The following PPP3CC variants were observed in gnomAD, a reference collection of about 807,000 sequenced individuals.
The protein encoded by PPP3CC is serine/threonine-protein phosphatase 2B catalytic subunit gamma isoform.
A neutral mutation model predicts 60.3 loss-of-function variants in PPP3CC; 35 were observed. The ratio of observed to expected loss-of-function variants is 0.58; its 90% CI spans 0.44 to 0.77. The LOEUF (loss-of-function observed/expected upper bound fraction) is 0.77, where lower values mean the gene tolerates loss of function less well. Ranked by LOEUF, PPP3CC falls within the 30% of genes least tolerant of loss-of-function variation. The probability of loss-of-function intolerance (pLI) is 0.00; values close to 1 mark genes in which losing one functional copy is unlikely to be tolerated. For missense variants in PPP3CC, 570 were observed against 628.9 expected (o/e 0.91, Z 1.00); for synonymous variants, 206 against 224.3 (o/e 0.92, Z 0.73).
intron 6 of PPP3CC, among the ~76,000 whole-genome samples, chr8:22,520,906 TGA>T (rs1839388719): frequency 6.6e-6 from 1 of 152,224 alleles, no homozygotes; most frequent in African/African-American, 2.4e-5. Flanking sequence ...TCTATGCATT[TGA>T]AGGAGCAGGG....
chr8:22,518,725 C>T (rs1250801261), intron 6 of PPP3CC, among the ~76,000 whole-genome samples: 15 of 152,102 alleles, frequency 9.9e-5, no homozygotes, highest in Admixed American at 7.9e-4. Flanking sequence ...CTCGCTCTGT[C>T]GCCCAGGCTG....
At chr8:22,473,993 C>G (rs547651034) in intron 1 of PPP3CC, among the ~76,000 whole-genome samples, 6 of 152,244 alleles carry the variant, frequency 3.9e-5, no homozygotes, top group South Asian at 4.2e-4. Context: ...CTCCCACGTT[C>G]AAGCGATTCT....
chr8:22,483,672 A>G (rs1436080902), intron 3 of PPP3CC, among the ~76,000 whole-genome samples: 7 of 151,998 alleles, frequency 4.6e-5, no homozygotes, highest in South Asian at 2.1e-4. Flanking sequence ...CCCTATTACA[A>G]TTTCACTCAG....
intron 1 of PPP3CC, among the ~76,000 whole-genome samples, chr8:22,453,709 A>G (rs961522543): frequency 6.6e-6 from 1 of 152,236 alleles, no homozygotes; most frequent in African/African-American, 2.4e-5. Flanking sequence ...CCTAGGCTGT[A>G]TGGTATATAG....
chr8:22,484,112 G>T (rs1838153904), intron 3 of PPP3CC, among the ~76,000 whole-genome samples: 2 of 151,912 alleles, frequency 1.3e-5, no homozygotes, highest in African/African-American at 2.4e-5. Flanking sequence ...CTCCCAAAGT[G>T]CTAGGATTAC....
chr8:22,492,686 GAA>G, intron 3 of PPP3CC: 1 of 839,778 alleles, frequency 1.2e-6, no homozygotes, highest in Non-Finnish European at 2.0e-6. Flanking sequence ...TGGTGGGAAA[GAA>G]ATGGTTCACA....
intron 1 of PPP3CC, among the ~76,000 whole-genome samples, chr8:22,452,110 C>CA (rs1837051349): frequency 6.6e-6 from 1 of 151,726 alleles, no homozygotes; most frequent in Non-Finnish European, 1.5e-5. Flanking sequence ...ACTGTGGCCT[C>CA]AAACAAACTC....
chr8:22,482,341 A>G (rs1045700726), intron 3 of PPP3CC, among the ~76,000 whole-genome samples: 2 of 152,132 alleles, frequency 1.3e-5, no homozygotes, highest in Admixed American at 1.3e-4. Flanking sequence ...TCTTTTGAGA[A>G]GTGTCTGTTC....
chr8:22,519,749 G>C (rs1839354669), intron 6 of PPP3CC, among the ~76,000 whole-genome samples: 1 of 152,086 alleles, frequency 6.6e-6, no homozygotes, highest in Admixed American at 6.5e-5. Context: ...CTGCCTCCCG[G>C]GTTCAAGTGA....
At chr8:22,473,029 A>C (rs973175317) in intron 1 of PPP3CC, among the ~76,000 whole-genome samples, 1 of 152,222 alleles carries the variant, frequency 6.6e-6, no homozygotes. Flanking sequence ...GGTAGCTGCT[A>C]TCGTTTTTTC....
chr8:22,538,023 G>C (rs1013157311), intron 12 of PPP3CC, among the ~76,000 whole-genome samples: 1 of 152,188 alleles, frequency 6.6e-6, no homozygotes, highest in South Asian at 2.1e-4. Flanking sequence ...CCATTGACTT[G>C]TATACTTTAA....
intron 1 of PPP3CC, among the ~76,000 whole-genome samples, chr8:22,466,236 T>C (rs764636637): frequency 2.0e-5 from 3 of 152,190 alleles, no homozygotes; most frequent in Middle Eastern, 3.2e-3. Flanking sequence ...CAGTCTATCA[T>C]TGATGGACAT....
chr8:22,458,235 C>T (rs1206664871), intron 1 of PPP3CC, among the ~76,000 whole-genome samples: 1 of 151,992 alleles, frequency 6.6e-6, no homozygotes, highest in African/African-American at 2.4e-5. Flanking sequence ...AGTATTTTTT[C>T]CCTAGCACTT....
chr8:22,498,061 G>A lies in PPP3CC; in HGVS notation c.433G>A (p.Gly145Arg), dbSNP rs1489474556. The A allele has an allele frequency of 6.2e-7, 1 of 1,613,292 alleles. No individual in the cohort carries two copies. The highest frequency in any genetic ancestry group is 8.5e-7 in the Non-Finnish European group (1 of 1,179,554). ...NHPKTLFLLR[G>R]NHECRHLTDY... is the part of the protein sequence containing the mutation. The stretch of plus-strand genomic sequence containing the variant: ...TCCCAAAACATTGTTTCTGCTTCGG[G>A]GAAATCATGAATGCAGGCATCTTAC... The change falls in exon 4 of 14, where the codon GGA becomes AGA. Residue 145 changes from glycine (G) to arginine (R), a missense_variant. Physicochemically the swap from Gly to Arg is moderately radical, Grantham distance 125 (BLOSUM62 -2). Transcript: ENST00000240139.
chr8:22,509,417 G>C (rs1839018603), intron 4 of PPP3CC, among the ~76,000 whole-genome samples: 1 of 152,212 alleles, frequency 6.6e-6, no homozygotes, highest in African/African-American at 2.4e-5. Flanking sequence ...TCCTGGAAGA[G>C]GAGAAGGAGC....
intron 3 of PPP3CC, among the ~76,000 whole-genome samples, chr8:22,484,549 A>G (rs533424672): frequency 3.5e-4 from 54 of 152,360 alleles, no homozygotes; most frequent in African/African-American, 1.3e-3. Context: ...AGGGTTGTGA[A>G]CTAAATTTTG....
chr8:22,490,260 A>T (rs1475797562), intron 3 of PPP3CC, among the ~76,000 whole-genome samples: 1 of 152,160 alleles, frequency 6.6e-6, no homozygotes, highest in East Asian at 1.9e-4. Flanking sequence ...AGCTTGTGCA[A>T]ACAGAGGTTG....
At chr8:22,495,069 T>A (rs1335562514) in intron 3 of PPP3CC, among the ~76,000 whole-genome samples, 1 of 152,140 alleles carries the variant, frequency 6.6e-6, no homozygotes, top group East Asian at 1.9e-4. Flanking sequence ...TGCCTCAGCC[T>A]CCTGAATAGC....
chr8:22,481,194 G>T (rs566477167), intron 3 of PPP3CC, among the ~76,000 whole-genome samples: 1 of 152,042 alleles, frequency 6.6e-6, no homozygotes, highest in Non-Finnish European at 1.5e-5. Flanking sequence ...AGTTAGCCGG[G>T]CGTGGTGGTG....
Sources: gnomAD v4.1 joint callset for allele counts (sites outside exome capture counted in the v4.1 genomes callset) on GRCh38, gnomAD v4.1.1 for gene constraint, MANE v1.5 for transcripts, NCBI Gene and HGNC (gene_info 2026-07-23, HGNC 2026-07-21) for gene names.